Variants in COL22A1 observed in about 807,000 individuals in gnomAD.
COL22A1 encodes the protein collagen alpha-1(XXII) chain.
A neutral mutation model predicts 248.9 loss-of-function variants in COL22A1; 221 were observed. The observed-to-expected ratio is 0.89, with a 90% confidence interval of 0.80 to 0.99. The LOEUF (loss-of-function observed/expected upper bound fraction) is 0.99. COL22A1 is among the 50% of genes least tolerant of loss of function. The pLI, the probability that COL22A1 is intolerant of heterozygous loss-of-function variation, is 0.00. For synonymous variants in COL22A1, 891 were observed against 793.4 expected (o/e 1.12, Z -2.07); for missense variants, 2,240 against 2,179.0 (o/e 1.03, Z -0.56).
At chr8:138,725,286 TG>T in intron 24 of COL22A1, 100 bp downstream of exon 24, 1 of 1,217,818 alleles carries the variant, frequency 8.2e-7, no homozygotes, top group Non-Finnish European at 1.2e-6. Context: ...TGGACTTGGG[TG>T]GATAAAAGAC....
chr8:138,670,398 G>A (rs952791475), intron 41 of COL22A1, among the ~76,000 whole-genome samples: 1 of 152,176 alleles, frequency 6.6e-6, no homozygotes, highest in African/African-American at 2.4e-5. Context: ...CATTCCTTGA[G>A]CATCGGCCAT....
intron 32 of COL22A1, 70 bp downstream of exon 32, chr8:138,700,042 C>G: frequency 6.8e-7 from 1 of 1,473,686 alleles, no homozygotes; most frequent in South Asian, 1.2e-5. Flanking sequence ...GTCCAGGCTC[C>G]CAGGCCACAC....
At chr8:138,876,393 G>C (rs1051992732) in intron 3 of COL22A1, among the ~76,000 whole-genome samples, 9 of 152,152 alleles carry the variant, frequency 5.9e-5, no homozygotes, top group Non-Finnish European at 1.3e-4. Flanking sequence ...TACCTGCCCG[G>C]TATCACATTC....
chr8:138,854,945 G>A (rs927742285), intron 3 of COL22A1, among the ~76,000 whole-genome samples: 1 of 152,044 alleles, frequency 6.6e-6, no homozygotes, highest in Admixed American at 6.5e-5. Context: ...GGTGATGATG[G>A]TGATGATGGA....
chr8:138,647,095 C>T (rs1822268556), intron 46 of COL22A1, among the ~76,000 whole-genome samples: 1 of 152,178 alleles, frequency 6.6e-6, no homozygotes, highest in South Asian at 2.1e-4. Context: ...CATCCCCCGC[C>T]CCCCACCTTG....
At chr8:138,820,004 G>A (rs1818975538) in intron 7 of COL22A1, among the ~76,000 whole-genome samples, 1 of 151,926 alleles carries the variant, frequency 6.6e-6, no homozygotes, top group South Asian at 2.1e-4. Context: ...TCCTAATTAT[G>A]TAGTGATACA....
chr8:138,655,807 T>C, intron 45 of COL22A1, 90 bp downstream of exon 45: 1 of 1,070,258 alleles, frequency 9.3e-7, no homozygotes, highest in Non-Finnish European at 1.4e-6. Context: ...ACCAAATAGT[T>C]GTTCAAAAAA....
intron 45 of COL22A1, among the ~76,000 whole-genome samples, chr8:138,651,084 G>A (rs959993521): frequency 3.9e-5 from 6 of 152,236 alleles, no homozygotes; most frequent in Admixed American, 2.6e-4. Flanking sequence ...CATCACAAAA[G>A]CATCTCTGAA....
chr8:138,660,553 G>T, intron 43 of COL22A1, 73 bp from the exon 44 acceptor site: 4 of 1,332,120 alleles, frequency 3.0e-6, no homozygotes, highest in Non-Finnish European at 4.3e-6. Context: ...CACACCCTCT[G>T]CCAATCTCTC....
chr8:138,747,436 C>T (rs1348040209), intron 22 of COL22A1, among the ~76,000 whole-genome samples: 1 of 152,158 alleles, frequency 6.6e-6, no homozygotes. Context: ...TAATGACCCA[C>T]AAGGCCTGAA....
In COL22A1 at chr8:138,823,071, C is replaced by T. The variant is rs1392229900; in HGVS notation, c.970-1660G>A. Among the ~76,000 whole-genome samples the T allele has an allele frequency of 7.9e-5, 12 of 152,200 alleles. 1 individual carries two copies. The highest frequency in any genetic ancestry group is 1.6e-4 in the Non-Finnish European group (11 of 68,040). On this transcript the variant is annotated intron_variant, in intron 6 of 64. Transcript: ENST00000303045. ...GTCTCTTGCTAGCCTACATCTAAACCAATGAATCACTTTTTAGCTGTGTGA... is the reference window on the plus strand; with the variant it reads ...GTCTCTTGCTAGCCTACATCTAAACTAATGAATCACTTTTTAGCTGTGTGA...
At chr8:138,605,300 A>G (rs1290070231) in intron 58 of COL22A1, among the ~76,000 whole-genome samples, 1 of 152,232 alleles carries the variant, frequency 6.6e-6, no homozygotes, top group Non-Finnish European at 1.5e-5. Flanking sequence ...TAGTTCTCCA[A>G]AAGCACACTG....
At chr8:138,884,301 T>C (rs1824471941) in intron 1 of COL22A1, among the ~76,000 whole-genome samples, 2 of 152,182 alleles carry the variant, frequency 1.3e-5, no homozygotes. Flanking sequence ...GTGGACTGCT[T>C]GATCCCTGGA....
chr8:138,609,106 G>C (rs1181721490), intron 56 of COL22A1, among the ~76,000 whole-genome samples: 5 of 152,238 alleles, frequency 3.3e-5, no homozygotes, highest in Admixed American at 1.3e-4. Flanking sequence ...TAAAGTAGCT[G>C]ATGCTGACCG....
rs570226503 is a variant in COL22A1, at chr8:138,888,956, G to A, written c.-72-5712C>T. Among the ~76,000 whole-genome samples, 5 of 152,248 alleles carry A rather than the reference G, an allele frequency of 3.3e-5. No individual in the cohort carries two copies. In the South Asian group the frequency reaches 1.0e-3, roughly 32 times the overall value. ...GCTGTTATAGTATCATATTACATTG[G>A]GGTAGCCAGGAGTCATTCATCAGAA... On this transcript the variant is annotated intron_variant, in intron 1 of 64. Coordinates refer to ENST00000303045, the MANE Select transcript of COL22A1 (RefSeq NM_152888.3).
chr8:138,695,586 C>T (rs775374407), intron 32 of COL22A1, among the ~76,000 whole-genome samples: 2 of 151,936 alleles, frequency 1.3e-5, no homozygotes, highest in Non-Finnish European at 2.9e-5. Flanking sequence ...GGGTTGAACC[C>T]TAGACTCTGG....
At chr8:138,841,633 C>A (rs568374070) in intron 4 of COL22A1, among the ~76,000 whole-genome samples, 1 of 152,242 alleles carries the variant, frequency 6.6e-6, no homozygotes, top group East Asian at 1.9e-4. Flanking sequence ...GAAGCATGGA[C>A]TAGATTCTAG....
intron 26 of COL22A1, 78 bp from the exon 27 acceptor site, chr8:138,720,870 T>TGGAAGGAAGAGAACTACCTGCACTC (rs1829820175): frequency 5.0e-6 from 6 of 1,202,104 alleles, no homozygotes; most frequent in Non-Finnish European, 6.2e-6. Context: ...AGGCACAGGT[T>TGGAAGGAAGAGAACTACCTGCACTC]GGAAGGAAGA....
chr8:138,710,555 G>A (rs1029995395), intron 30 of COL22A1, among the ~76,000 whole-genome samples: 11 of 151,576 alleles, frequency 7.3e-5, no homozygotes, highest in African/African-American at 2.2e-4. Context: ...GTTTCCATGT[G>A]TGAATCCATT....
Sources: allele counts gnomAD v4.1 joint callset (sites outside exome capture counted in the v4.1 genomes callset), GRCh38; gene constraint gnomAD v4.1.1; transcripts MANE v1.5; gene names NCBI Gene and HGNC (gene_info 2026-07-23, HGNC 2026-07-21).